The following LDB2 variants were observed in gnomAD, a reference collection of about 807,000 sequenced individuals.
The protein encoded by LDB2 is LIM domain-binding protein 2.
In LDB2, 12 loss-of-function variants were observed where a neutral mutation model predicts 44.3. The observed-to-expected ratio is 0.27, with a 90% CI of 0.17 to 0.44. The LOEUF is 0.44. LDB2 is among the 20% of genes least tolerant of loss of function. LDB2 has a pLI of 1.00. For missense variants in LDB2, 344 were observed against 473.5 expected (o/e 0.73, Z 2.54); for synonymous variants, 164 against 174.8 (o/e 0.94, Z 0.49).
chr4:16,730,799 C>A (rs539142725), intron 2 of LDB2, among the ~76,000 whole-genome samples: 1 of 152,272 alleles, frequency 6.6e-6, no homozygotes, highest in South Asian at 2.1e-4. Context: ...AGAATAAGAC[C>A]TATTCATTGT....
intron 1 of LDB2, among the ~76,000 whole-genome samples, chr4:16,852,604 AAT>A (rs1453703354): frequency 4.6e-5 from 7 of 152,206 alleles, no homozygotes; most frequent in Non-Finnish European, 8.8e-5. Flanking sequence ...ATATCTAGGA[AAT>A]TAACTTGCTT....
rs1040209988 is a variant in LDB2 at position 16,898,270 on chromosome 4, A to G, written c.132+84T>C. On this transcript the variant is annotated intron_variant, in intron 1 of 7. Coordinates refer to ENST00000304523, the MANE Select transcript of LDB2 (RefSeq NM_001290.5). The stretch of plus-strand genomic sequence containing the variant: ...TAGTATCAAGTGGGACACTTCCCAT[A>G]GAATTCAGCCAGAAACCCTAGGAAA... 4.4e-6 allele frequency: 6 copies of G among 1,365,400 alleles called. No homozygotes were observed. The Admixed American group carries it at 1.1e-4, about 25-fold the overall frequency. 84.6% of individuals were successfully genotyped at this position (1,365,400 alleles called of 1,614,324 possible). A position where few individuals can be genotyped will look rare whatever the true frequency, so the allele number is the denominator to read the frequency against.
chr4:16,760,772 G>A (rs1767733094), intron 1 of LDB2, among the ~76,000 whole-genome samples: 2 of 152,160 alleles, frequency 1.3e-5, no homozygotes, highest in African/African-American at 4.8e-5. Context: ...CTGGAAGCTT[G>A]TGGAGCTTTT....
At chr4:16,834,826 C>CAA (rs59410885) in intron 1 of LDB2, among the ~76,000 whole-genome samples, 41 of 124,470 alleles carry the variant, frequency 3.3e-4, no homozygotes, top group East Asian at 1.5e-3. Flanking sequence ...GATTCCATCT[C>CAA]AAAAAAAAAA....
chr4:16,744,768 G>A (rs150091387), intron 2 of LDB2, among the ~76,000 whole-genome samples: 172 of 152,070 alleles, frequency 1.1e-3, no homozygotes, highest in African/African-American at 4.0e-3. Flanking sequence ...GAGACACCGC[G>A]CCCAGCCAAG....
At chr4:16,817,549 T>C (rs1159809655) in intron 1 of LDB2, among the ~76,000 whole-genome samples, 2 of 152,214 alleles carry the variant, frequency 1.3e-5, no homozygotes, top group Admixed American at 1.3e-4. Flanking sequence ...CTGCTCACAA[T>C]CCAACAGCAG....
intron 2 of LDB2, among the ~76,000 whole-genome samples, chr4:16,641,332 G>C (rs758400559): frequency 2.0e-5 from 3 of 152,188 alleles, no homozygotes; most frequent in Non-Finnish European, 4.4e-5. Context: ...CAATGAGAAA[G>C]AAAGCAAAGG....
rs556654409 is a variant in LDB2 at position 16,875,409 on chromosome 4, A to G, written c.132+22945T>C. ...CTGTGGCCTACTCCGGACCAACTGA[A>G]TCAAAGAGTTCAGAGTGAAGCCAAG... On this transcript the variant is annotated intron_variant, in intron 1 of 7. Coordinates refer to ENST00000304523, the MANE Select transcript of LDB2 (RefSeq NM_001290.5). 2.0e-5 allele frequency among the ~76,000 whole-genome samples: 3 copies of G among 152,304 alleles called. No individual in the cohort carries two copies. In the East Asian group the frequency reaches 5.8e-4, roughly 29 times the overall value.
At chr4:16,719,395 A>G (rs773205635) in intron 2 of LDB2, among the ~76,000 whole-genome samples, 2 of 152,088 alleles carry the variant, frequency 1.3e-5, no homozygotes, top group Non-Finnish European at 2.9e-5. Flanking sequence ...CAGTCAAAAT[A>G]ATTTTATTTT....
At chr4:16,705,178 C>T (rs183131717) in intron 2 of LDB2, among the ~76,000 whole-genome samples, 22 of 152,242 alleles carry the variant, frequency 1.4e-4, no homozygotes, top group African/African-American at 3.9e-4. Context: ...TGAAAACAGT[C>T]GTGTGCCCTT....
chr4:16,632,562 G>A (rs1219838801), intron 2 of LDB2, among the ~76,000 whole-genome samples: 2 of 152,154 alleles, frequency 1.3e-5, no homozygotes, highest in Non-Finnish European at 2.9e-5. Context: ...ATTCAGCATA[G>A]TATTGGAAAT....
chr4:16,599,719 A>G (rs1414547636), intron 2 of LDB2, among the ~76,000 whole-genome samples: 2 of 152,262 alleles, frequency 1.3e-5, no homozygotes, highest in African/African-American at 2.4e-5. Context: ...ACAGACAGCC[A>G]GAACAAAATC....
At chr4:16,838,119 C>T (rs1214160782) in intron 1 of LDB2, among the ~76,000 whole-genome samples, 1 of 152,172 alleles carries the variant, frequency 6.6e-6, no homozygotes, top group Non-Finnish European at 1.5e-5. Context: ...TTTGTATGAA[C>T]AGCAAAGCTA....
chr4:16,802,363 G>A (rs1778006709), intron 1 of LDB2, among the ~76,000 whole-genome samples: 1 of 152,170 alleles, frequency 6.6e-6, no homozygotes, highest in Admixed American at 6.5e-5. Flanking sequence ...GCCAGCAAAA[G>A]CAATCCCAGA....
chr4:16,557,468 G>C (rs1442655276), intron 5 of LDB2, among the ~76,000 whole-genome samples: 1 of 152,226 alleles, frequency 6.6e-6, no homozygotes, highest in African/African-American at 2.4e-5. Flanking sequence ...TAGCACAGCA[G>C]TCTGAGATCA....
At chr4:16,526,174 G>A (rs1048376745) in intron 5 of LDB2, among the ~76,000 whole-genome samples, 2 of 152,172 alleles carry the variant, frequency 1.3e-5, no homozygotes, top group Non-Finnish European at 2.9e-5. Flanking sequence ...CTGTCAATGT[G>A]AGCAGACACC....
At chr4:16,796,747 G>A (rs1776821579) in intron 1 of LDB2, among the ~76,000 whole-genome samples, 1 of 152,164 alleles carries the variant, frequency 6.6e-6, no homozygotes, top group Non-Finnish European at 1.5e-5. Context: ...AATAAGCCAT[G>A]TTGGTAACAT....
intron 1 of LDB2, among the ~76,000 whole-genome samples, chr4:16,815,988 G>A (rs746252013): frequency 5.9e-5 from 9 of 152,262 alleles, no homozygotes; most frequent in Admixed American, 2.0e-4. Context: ...CGGGTGGATC[G>A]TCTGAGGTCA....
intron 1 of LDB2, among the ~76,000 whole-genome samples, chr4:16,848,754 TG>T (rs1787592388): frequency 6.6e-6 from 1 of 152,200 alleles, no homozygotes. Flanking sequence ...CTGTTTCCTT[TG>T]TCAGCCATAT....
Sources: gnomAD v4.1 joint callset for allele counts (sites outside exome capture counted in the v4.1 genomes callset) on GRCh38, gnomAD v4.1.1 for gene constraint, MANE v1.5 for transcripts, NCBI Gene and HGNC (gene_info 2026-07-23, HGNC 2026-07-21) for gene names.